The following CDH5 variants were observed in gnomAD, a reference collection of about 807,000 sequenced individuals.
CDH5 encodes cadherin-5.
Under a neutral mutation model 62.0 loss-of-function variants are expected in CDH5, and 28 were observed. The ratio of observed to expected loss-of-function variants is 0.45; its 90% CI spans 0.33 to 0.62. The LOEUF (loss-of-function observed/expected upper bound fraction) is 0.62, where lower values mean the gene tolerates loss of function less well. CDH5 is among the 20% of genes least tolerant of loss of function. CDH5 has a pLI of 0.02. For missense variants in CDH5, 940 were observed against 1,065.1 expected, an observed-to-expected ratio of 0.88 and a Z score of 1.63; for synonymous variants, 464 against 445.8, an observed-to-expected ratio of 1.04 and a Z score of -0.52.
At position 66,392,263 on chromosome 16, in the gene CDH5, T is replaced by C. The variant is rs1003088287; in HGVS notation, c.1097T>C (p.Val366Ala). Reference sequence around the variant, plus strand: ...CAGGTCATTATCAACATCACAGATGTGGACGAGCCCCCCATTTTCCAGCAG... The same window carrying C: ...CAGGTCATTATCAACATCACAGATGCGGACGAGCCCCCCATTTTCCAGCAG... ...RAQVIINITD[V>A]DEPPIFQQPF... The change falls in exon 7 of 12, where the codon GTG (valine) becomes GCG (alanine). Residue 366 changes from valine to alanine, a missense_variant. Physicochemically the swap from Val to Ala is moderately conservative, Grantham distance 64. Coordinates refer to ENST00000341529, the MANE Select transcript of CDH5 (RefSeq NM_001795.5). 2 of 1,614,140 alleles carry C rather than the reference T, an allele frequency of 1.2e-6. No individual in the cohort carries two copies. The highest frequency in any genetic ancestry group is 1.7e-6 in the Non-Finnish European group (2 of 1,180,020).
At chr16:66,386,076 A>C (rs923167766) in intron 2 of CDH5, among the ~76,000 whole-genome samples, 3 of 152,168 alleles carry the variant, frequency 2.0e-5, no homozygotes, top group African/African-American at 7.2e-5. Context: ...GGCAACTAAA[A>C]CTTAGAGAGG....
chr16:66,380,283 A>AGGTGGT (rs1204567451), intron 2 of CDH5, among the ~76,000 whole-genome samples: 4 of 137,602 alleles, frequency 2.9e-5, no homozygotes, highest in African/African-American at 8.7e-5. Flanking sequence ...ATAAAGGGGT[A>AGGTGGT]GGTGGTGATT....
intron 1 of CDH5, among the ~76,000 whole-genome samples, chr16:66,371,653 C>G (rs1395612312): frequency 6.6e-6 from 1 of 152,076 alleles, no homozygotes. Flanking sequence ...TCTGCCCCAC[C>G]CCTGAGGCCC....
Position 66,400,970 on chromosome 16 carries a change from C to T in CDH5, c.1791C>T (p.Ser597=). The T allele has an allele frequency of 1.2e-6, 2 of 1,614,122 alleles. No homozygotes were observed. Among genetic ancestry groups the T allele is most frequent in the South Asian group, 2.2e-5 (2 of 91,090 alleles). Residue 597 remains serine (S), a synonymous_variant, in exon 11 of 12, where the codon AGC becomes AGT. Coordinates refer to ENST00000341529, the MANE Select transcript of CDH5 (RefSeq NM_001795.5). ...CEDMAAQVGV[S]IQAVVAILLC... ...ATATGGCCGCCCAGGTGGGCGTGAGCATCCAGGCAGTGGTAGCCATCTTAC... is the reference window on the plus strand; with the variant it reads ...ATATGGCCGCCCAGGTGGGCGTGAGTATCCAGGCAGTGGTAGCCATCTTAC...
chr16:66,371,655 CT>C (rs1288219334), intron 1 of CDH5, among the ~76,000 whole-genome samples: 2 of 152,158 alleles, frequency 1.3e-5, no homozygotes, highest in Non-Finnish European at 1.5e-5. Flanking sequence ...TGCCCCACCC[CT>C]GAGGCCCTCC....
At chr16:66,381,255 T>C (rs1489827600) in intron 2 of CDH5, among the ~76,000 whole-genome samples, 1 of 152,206 alleles carries the variant, frequency 6.6e-6, no homozygotes, top group African/African-American at 2.4e-5. Flanking sequence ...ACACCTGTAA[T>C]GAGGTACCTG....
intron 11 of CDH5, among the ~76,000 whole-genome samples, chr16:66,401,689 AAT>A (rs1341827745): frequency 7.9e-5 from 12 of 152,166 alleles, no homozygotes; most frequent in Non-Finnish European, 1.5e-4. Context: ...GCGAAGGTGG[AAT>A]GTTCCCATCG....
rs1258582260 is a variant in CDH5 at position 66,387,030 on chromosome 16, G to A, written c.432G>A (p.Val144=). Residue 144 remains valine (V), a synonymous_variant, in exon 3 of 12, where the codon GTG becomes GTA. Coordinates refer to ENST00000341529, the MANE Select transcript of CDH5 (RefSeq NM_001795.5). ...PSSFTIKVHD[V]NDNWPVFTHR... The stretch of plus-strand genomic sequence containing the variant: ...GCTTCACCATCAAAGTTCATGACGT[G>A]AACGACAACTGGCCTGTGTTCACGC... 6.2e-7 allele frequency: 1 copy of A among 1,614,162 alleles called. No homozygotes were observed. The highest frequency in any genetic ancestry group is 1.1e-5 in the South Asian group (1 of 91,076).
At chr16:66,389,761 C>T (rs1961050860) in intron 5 of CDH5, among the ~76,000 whole-genome samples, 1 of 152,176 alleles carries the variant, frequency 6.6e-6, no homozygotes. Flanking sequence ...AGGGAAATCC[C>T]ACTCCCTGCT....
intron 1 of CDH5, among the ~76,000 whole-genome samples, chr16:66,378,127 G>C (rs114902358): frequency 5.9e-4 from 90 of 152,326 alleles, no homozygotes; most frequent in African/African-American, 2.0e-3. Flanking sequence ...CTGGAGTGAA[G>C]GGCTGGCCCT....
chr16:66,400,104 G>A (rs764945405), intron 10 of CDH5, among the ~76,000 whole-genome samples: 45 of 152,194 alleles, frequency 3.0e-4, no homozygotes, highest in Non-Finnish European at 5.9e-4. Context: ...GAGCATAGGG[G>A]TCTGAAAATC....
At chr16:66,397,096 A>G (rs1043039037) in intron 8 of CDH5, among the ~76,000 whole-genome samples, 1 of 152,196 alleles carries the variant, frequency 6.6e-6, no homozygotes, top group African/African-American at 2.4e-5. Context: ...ACATTCATGT[A>G]TTTTTATTTT....
intron 2 of CDH5, among the ~76,000 whole-genome samples, chr16:66,382,553 TC>T (rs1340643067): frequency 6.6e-6 from 1 of 152,098 alleles, no homozygotes; most frequent in Non-Finnish European, 1.5e-5. Context: ...ATGTCTGACC[TC>T]AAGGAAAATC....
rs773389772 is a variant in CDH5, at chr16:66,386,790, G to T, written c.211-19G>T. 1 of 1,578,210 alleles carries T rather than the reference G, an allele frequency of 6.3e-7. No individual in the cohort carries two copies. The highest frequency in any genetic ancestry group is 8.6e-7 in the Non-Finnish European group (1 of 1,159,872). ...CCACTGCCGCCCATTCCCAGCTCAC[G>T]TCACCTCTTCTTTTCTAGATCAAGT... On this transcript the variant is annotated intron_variant, in intron 2 of 11. Coordinates refer to ENST00000341529, the MANE Select transcript of CDH5 (RefSeq NM_001795.5).
In CDH5 at chr16:66,392,390, G is replaced by T. The variant is rs748718548; in HGVS notation, c.1217+7G>T. The T allele has an allele frequency of 6.2e-7, 1 of 1,613,990 alleles. No individual in the cohort carries two copies. Among genetic ancestry groups the T allele is most frequent in the Admixed American group, 1.7e-5 (1 of 60,016 alleles). On this transcript the variant is annotated splice_region_variant and intron_variant, in intron 7 of 11. Transcript: ENST00000341529. ...CGGCTAGGCATAGCATTGGGTAAGGGGGCGTGTGTCGATGAGAATGATAAG... is the reference window on the plus strand; with the variant it reads ...CGGCTAGGCATAGCATTGGGTAAGGTGGCGTGTGTCGATGAGAATGATAAG...
At chr16:66,396,533 G>A (rs1961188955) in intron 8 of CDH5, among the ~76,000 whole-genome samples, 1 of 152,182 alleles carries the variant, frequency 6.6e-6, no homozygotes, top group Non-Finnish European at 1.5e-5. Context: ...TAAGCATAAA[G>A]CTCTACTCCA....
At chr16:66,400,715 G>C (rs963632155) in intron 10 of CDH5, 56 bp from the exon 11 acceptor site, 1 of 1,612,260 alleles carries the variant, frequency 6.2e-7, no homozygotes, top group East Asian at 2.2e-5. Flanking sequence ...GGAGGAGCCA[G>C]GTTTCCCCAT....
At position 66,390,492 on chromosome 16, in the gene CDH5, CG is replaced by C. The variant is rs774380906; in HGVS notation, c.873del (p.Met292Ter). 2 of 1,614,010 alleles carry C rather than the reference CG, an allele frequency of 1.2e-6. No homozygotes were observed. Among genetic ancestry groups the C allele is most frequent in the Admixed American group, 3.3e-5 (2 of 60,002 alleles). On this transcript the variant is annotated frameshift_variant, in exon 6 of 12. Transcript: ENST00000341529. LOFTEE classifies it high-confidence loss of function. Reference protein sequence around the residue: ...FVEDPDEPQNRMTKYSILRGD... With the variant: ...FVEDPDEPQNXMTKYSILRGD... ...TGAGGACCCAGATGAGCCCCAGAAC[CG>C]GATGACCAAGTACAGCATCTTGCGG...
chr16:66,383,530 C>G (rs762044927), intron 2 of CDH5, among the ~76,000 whole-genome samples: 1 of 152,138 alleles, frequency 6.6e-6, no homozygotes, highest in Non-Finnish European at 1.5e-5. Context: ...TCCCTCCATC[C>G]TCCCTGCCCT....
Sources: gnomAD v4.1 joint callset for allele counts (sites outside exome capture counted in the v4.1 genomes callset) on GRCh38, gnomAD v4.1.1 for gene constraint, MANE v1.5 for transcripts, NCBI Gene and HGNC (gene_info 2026-07-23, HGNC 2026-07-21) for gene names.